Variants in RLF observed in about 807,000 individuals in gnomAD.
RLF encodes zinc finger protein Rlf.
RLF carries 7 observed loss-of-function variants against 162.9 expected under a neutral mutation model. That is an observed-to-expected ratio of 0.04 (90% CI 0.02 to 0.08). The LOEUF is 0.08. Ranked by LOEUF, RLF falls within the 10% of genes least tolerant of loss-of-function variation. The pLI is 1.00. For missense variants in RLF, 1,664 were observed against 2,244.7 expected, an observed-to-expected ratio of 0.74 and a Z score of 5.23; for synonymous variants, 782 against 791.5, an observed-to-expected ratio of 0.99 and a Z score of 0.20.
chr1:40,176,565 A>G (rs1642328634), intron 1 of RLF, among the ~76,000 whole-genome samples: 1 of 152,118 alleles, frequency 6.6e-6, no homozygotes, highest in Non-Finnish European at 1.5e-5. Context: ...ACAGCCTCCC[A>G]AATAGCTGGG....
intron 6 of RLF, 177 bp from the exon 7 acceptor site, chr1:40,231,340 G>T: frequency 3.8e-6 from 2 of 530,082 alleles, no homozygotes; most frequent in Non-Finnish European, 6.6e-6. Context: ...TGTTACGGAG[G>T]ATTCTTAACA....
chr1:40,210,227 T>C (rs556623113), intron 5 of RLF, among the ~76,000 whole-genome samples: 1 of 152,352 alleles, frequency 6.6e-6, no homozygotes, highest in African/African-American at 2.4e-5. Context: ...TATGGCCCAG[T>C]TTGTTTGCCA....
At chr1:40,220,117 A>T (rs767740734) in intron 5 of RLF, among the ~76,000 whole-genome samples, 7 of 152,062 alleles carry the variant, frequency 4.6e-5, no homozygotes, top group African/African-American at 1.7e-4. Context: ...AATCCCAGCT[A>T]CTCGGGGGGC....
chr1:40,237,226 G>A lies in RLF; in HGVS notation c.2524G>A (p.Glu842Lys), dbSNP rs1198303314. Reference protein sequence around the residue: ...GDIKKSVKLEESATGEKQDCI... With the variant: ...GDIKKSVKLEKSATGEKQDCI... ...CATAAAGAAATCAGTGAAACTTGAGGAGTCTGCAACAGGTGAAAAGCAAGA... is the reference window on the plus strand; with the variant it reads ...CATAAAGAAATCAGTGAAACTTGAGAAGTCTGCAACAGGTGAAAAGCAAGA... Residue 842 changes from glutamate (E) to lysine (K), a missense_variant, in exon 8 of 8, where the codon GAG becomes AAG. Around this residue, in one of 15 missense-constraint regions of RLF, gnomAD observed 295 missense variants for 317.4 expected, o/e 0.93. Coordinates refer to ENST00000372771, the MANE Select transcript of RLF (RefSeq NM_012421.4). This position sits in a 1 kb window ranked among gnomAD's most constrained non-coding sequence, Gnocchi z 4.4. 1 of 1,613,908 alleles carries A rather than the reference G, an allele frequency of 6.2e-7. No homozygotes were observed.
Position 40,161,783 on chromosome 1 carries a change from A to G in RLF, c.237+147A>G, listed in dbSNP as rs1642088953. 1 of 1,182,658 alleles carries G rather than the reference A, an allele frequency of 8.5e-7. No individual in the cohort carries two copies. Among genetic ancestry groups the G allele is most frequent in the Non-Finnish European group, 1.2e-6 (1 of 863,812 alleles). The allele number at this position is 1,182,658 out of a possible 1,614,324, so 73.3% of individuals were successfully genotyped here. The stretch of plus-strand genomic sequence containing the variant: ...CCCGGGCCGGGAAGGCCCAGCTCGG[A>G]AGCTCGACCGCTGGCCCCCCTGCGC... On this transcript the variant is annotated intron_variant, in intron 1 of 7. Transcript: ENST00000372771. This position sits in a 1 kb window ranked among gnomAD's most constrained non-coding sequence, Gnocchi z 4.4.
chr1:40,196,649 G>A (rs747462997), intron 4 of RLF, among the ~76,000 whole-genome samples: 9 of 152,144 alleles, frequency 5.9e-5, no homozygotes, highest in Admixed American at 3.9e-4. Context: ...ACAGGCATGC[G>A]CCACTGTGTA....
chr1:40,196,231 C>G (rs1642634466), intron 4 of RLF, among the ~76,000 whole-genome samples: 1 of 151,878 alleles, frequency 6.6e-6, no homozygotes. Context: ...CGCCACCACG[C>G]CTGGCTAAGT....
chr1:40,205,507 T>G (rs544897375), intron 5 of RLF, among the ~76,000 whole-genome samples: 70 of 129,504 alleles, frequency 5.4e-4, no homozygotes, highest in Middle Eastern at 3.8e-3. Context: ...TTTTTTTTTT[T>G]GGGACAGAGT....
intron 1 of RLF, among the ~76,000 whole-genome samples, chr1:40,165,850 C>G (rs1642158909): frequency 6.6e-6 from 1 of 152,122 alleles, no homozygotes; most frequent in Non-Finnish European, 1.5e-5. Flanking sequence ...CTTTTAGAAT[C>G]CAGACCACCA....
chr1:40,237,572 G>T lies in RLF; in HGVS notation c.2870G>T (p.Gly957Val). 6.2e-7 allele frequency: 1 copy of T among 1,614,108 alleles called. No homozygotes were observed. The highest frequency in any genetic ancestry group is 1.1e-5 in the South Asian group (1 of 91,084). ...TTTGACGGGACTAAGTTTACCTGTG[G>T]TTTTGATGGCTGTGGTTCCACATAC... ...VCFDGTKFTCGFDGCGSTYKN... is the reference protein window; with the variant it reads ...VCFDGTKFTCVFDGCGSTYKN... The change falls in exon 8 of 8, where the codon GGT becomes GTT. Residue 957 changes from glycine to valine, a missense_variant. Gly to Val is a moderately radical substitution (Grantham distance 109). Around this residue, in one of 15 missense-constraint regions of RLF, gnomAD observed 295 missense variants for 317.4 expected, o/e 0.93. Coordinates refer to ENST00000372771, the MANE Select transcript of RLF (RefSeq NM_012421.4). This position sits in a 1 kb window ranked among gnomAD's most constrained non-coding sequence, Gnocchi z 4.4.
At chr1:40,181,153 G>T (rs1366630808) in intron 1 of RLF, among the ~76,000 whole-genome samples, 1 of 152,236 alleles carries the variant, frequency 6.6e-6, no homozygotes, top group Non-Finnish European at 1.5e-5. Flanking sequence ...TCTTTGGCCA[G>T]CTGCAGTGGC....
intron 1 of RLF, among the ~76,000 whole-genome samples, chr1:40,163,574 A>G (rs1019612033): frequency 1.3e-5 from 2 of 152,192 alleles, no homozygotes; most frequent in Non-Finnish European, 2.9e-5. Context: ...AAAAGAAAGC[A>G]TGTGTAATTT....
chr1:40,198,853 T>C (rs1642673336), intron 4 of RLF, among the ~76,000 whole-genome samples: 1 of 152,222 alleles, frequency 6.6e-6, no homozygotes, highest in African/African-American at 2.4e-5. Flanking sequence ...TGAGACATAT[T>C]GTTTTAAATA....
At chr1:40,209,891 AAAG>A (rs1482507174) in intron 5 of RLF, among the ~76,000 whole-genome samples, 3 of 152,094 alleles carry the variant, frequency 2.0e-5, no homozygotes, top group African/African-American at 7.2e-5. Context: ...AAAAAAAAAA[AAAG>A]GCGATCATAA....
chr1:40,217,565 A>G (rs1222222036), intron 5 of RLF, among the ~76,000 whole-genome samples: 1 of 152,134 alleles, frequency 6.6e-6, no homozygotes, highest in Non-Finnish European at 1.5e-5. Context: ...TGAGGTCAGG[A>G]GTTCGAGACC....
intron 5 of RLF, among the ~76,000 whole-genome samples, chr1:40,214,918 C>CAAAAAAAAAAAAA (rs34756935): frequency 1.4e-4 from 2 of 14,396 alleles, no homozygotes; most frequent in Non-Finnish European, 2.9e-4. Context: ...GAGCCTGTCT[C>CAAAAAAAAAAAAA]AAAAAAAAAA....
chr1:40,198,326 C>T (rs1361775568), intron 4 of RLF, among the ~76,000 whole-genome samples: 1 of 112,834 alleles, frequency 8.9e-6, no homozygotes, highest in Non-Finnish European at 1.8e-5. Flanking sequence ...TTTTTAAAGA[C>T]AGCGTTTCAC....
At chr1:40,179,858 G>A (rs1466121798) in intron 1 of RLF, among the ~76,000 whole-genome samples, 4 of 151,958 alleles carry the variant, frequency 2.6e-5, no homozygotes, top group African/African-American at 9.7e-5. Flanking sequence ...TATTTGTCTT[G>A]TTGTGACTGC....
At chr1:40,177,238 G>A (rs571028457) in intron 1 of RLF, among the ~76,000 whole-genome samples, 1 of 151,886 alleles carries the variant, frequency 6.6e-6, no homozygotes, top group African/African-American at 2.4e-5. Flanking sequence ...TGCCCGTGCT[G>A]GGATTATCAG....
Sources: allele counts gnomAD v4.1 joint callset (sites outside exome capture counted in the v4.1 genomes callset), GRCh38; gene constraint gnomAD v4.1.1; regional missense constraint gnomAD v4.1.1; non-coding constraint Gnocchi (gnomAD v3.1); transcripts MANE v1.5; gene names NCBI Gene and HGNC (gene_info 2026-07-23, HGNC 2026-07-21).